The following PHF6 variants were observed in gnomAD, a reference collection of about 807,000 sequenced individuals.
The protein encoded by PHF6 is PHD finger protein 6, also known as PHD-like zinc finger protein.
A neutral mutation model predicts 34.0 loss-of-function variants in PHF6; 7 were observed. That is an observed-to-expected ratio of 0.21 (90% CI 0.12 to 0.39). PHF6 has a LOEUF of 0.39. Among genes scored for constraint, PHF6 ranks in the 10% least tolerant of loss-of-function variants. The probability of loss-of-function intolerance (pLI) is 1.00; values close to 1 mark genes in which losing one functional copy is unlikely to be tolerated. For missense variants in PHF6, 128 were observed against 262.8 expected (o/e 0.49, Z 3.55); for synonymous variants, 89 against 88.4 (o/e 1.01, Z -0.04).
intron 5 of PHF6, among the ~76,000 whole-genome samples, chrX:134,401,974 TTTTG>T (rs199723713): frequency 0.3 from 32,352 of 108,715 alleles, 4,426 homozygotes; most frequent in East Asian, 0.63. Context: ...ATTGGTTGTT[TTTTG>T]TTTGTTTGTT....
chrX:134,382,147 A>C (rs1044820556), intron 3 of PHF6, among the ~76,000 whole-genome samples: 2 of 111,881 alleles, frequency 1.8e-5, no homozygotes, highest in African/African-American at 3.3e-5. Context: ...TCCAAGGTTC[A>C]TGTCAGCCAC....
intron 3 of PHF6, among the ~76,000 whole-genome samples, chrX:134,386,995 C>T (rs1203738256): frequency 1.8e-5 from 2 of 111,436 alleles, no homozygotes; most frequent in African/African-American, 3.3e-5. Context: ...AACTTTTCTT[C>T]CTGAAGATTT....
At chrX:134,384,705 A>G (rs1009479342) in intron 3 of PHF6, among the ~76,000 whole-genome samples, 53 of 108,193 alleles carry the variant, frequency 4.9e-4, no homozygotes, top group Non-Finnish European at 8.2e-4. Context: ...AGGCTGGAGT[A>G]CAGTGGCACG....
chrX:134,389,628 C>T (rs758818674), intron 3 of PHF6, among the ~76,000 whole-genome samples: 17 of 111,485 alleles, frequency 1.5e-4, no homozygotes, highest in Non-Finnish European at 2.8e-4. Context: ...GCTGGACTAG[C>T]CACCTATCTG....
At chrX:134,421,573 A>T (rs2077491701) in intron 9 of PHF6, among the ~76,000 whole-genome samples, 1 of 111,579 alleles carries the variant, frequency 9.0e-6, no homozygotes, top group South Asian at 3.7e-4. Context: ...TTTTATTATA[A>T]TAGTTTTAAA....
intron 8 of PHF6, among the ~76,000 whole-genome samples, chrX:134,415,519 A>G (rs771652334): frequency 8.9e-6 from 1 of 112,118 alleles, no homozygotes; most frequent in East Asian, 2.8e-4. Context: ...AATGTTTGTC[A>G]TAGCTTTAAG....
intron 5 of PHF6, among the ~76,000 whole-genome samples, chrX:134,403,578 A>T (rs986747294): frequency 6.2e-5 from 7 of 112,360 alleles, no homozygotes; most frequent in Non-Finnish European, 9.4e-5. Context: ...AAGATCATTG[A>T]TGAAGTTGCC....
Position 134,393,954 on chromosome X carries a change from T to TA in PHF6, c.418+3dup. Reference sequence around the variant, plus strand: ...AGAAAACTGCACATAACTCCGAAGGTACATCATTTAGCCACGTTTCAGCCA... The same window carrying TA: ...AGAAAACTGCACATAACTCCGAAGGTAACATCATTTAGCCACGTTTCAGCCA... On this transcript the variant is annotated splice_region_variant and intron_variant, in intron 5 of 10. Coordinates refer to ENST00000370803, the MANE Select transcript of PHF6 (RefSeq NM_001015877.2). 2 of 1,209,769 alleles carry TA rather than the reference T, an allele frequency of 1.7e-6. No individual in the cohort carries two copies. The highest frequency in any genetic ancestry group is 2.2e-6 in the Non-Finnish European group (2 of 893,999).
At chrX:134,415,187 C>T in intron 8 of PHF6, 67 bp downstream of exon 8, 1 of 1,205,849 alleles carries the variant, frequency 8.3e-7, no homozygotes, top group Non-Finnish European at 1.1e-6. Context: ...TAGAGTACAT[C>T]CCAAATTTAT....
chrX:134,378,221 C>CT, intron 3 of PHF6, 115 bp downstream of exon 3: 3 of 428,968 alleles, frequency 7.0e-6, no homozygotes, highest in Admixed American at 4.7e-5. Flanking sequence ...AAATTGCAGG[C>CT]TTTTCTTTTT....
intron 5 of PHF6, among the ~76,000 whole-genome samples, chrX:134,409,368 T>C (rs969932390): frequency 8.9e-6 from 1 of 111,847 alleles, no homozygotes; most frequent in Non-Finnish European, 1.9e-5. Context: ...TCCACTGATA[T>C]ATGTCTATTC....
chrX:134,376,865 A>C (rs2077279919), intron 1 of PHF6, among the ~76,000 whole-genome samples: 2 of 112,195 alleles, frequency 1.8e-5, no homozygotes, highest in South Asian at 3.6e-4. Context: ...TGATTTTTTT[A>C]AACTCAGAAA....
At chrX:134,376,844 A>G (rs924978221) in intron 1 of PHF6, among the ~76,000 whole-genome samples, 2 of 112,343 alleles carry the variant, frequency 1.8e-5, no homozygotes, top group African/African-American at 6.4e-5. Flanking sequence ...AATTTATTAA[A>G]GACATATTCC....
At chrX:134,422,611 T>G (rs1485463112) in intron 9 of PHF6, among the ~76,000 whole-genome samples, 1 of 112,450 alleles carries the variant, frequency 8.9e-6, no homozygotes, top group East Asian at 2.8e-4. Context: ...TTCTGGGTCC[T>G]GACTGTATTC....
intron 5 of PHF6, among the ~76,000 whole-genome samples, chrX:134,411,734 G>A (rs1226231910): frequency 9.0e-6 from 1 of 111,285 alleles, no homozygotes; most frequent in Non-Finnish European, 1.9e-5. Flanking sequence ...TTTGGCAAGT[G>A]CAAGTAATTC....
rs948235695 is a variant in PHF6, at chrX:134,428,597, C to T, written c.*2937C>T. 2.0e-5 allele frequency: 3 copies of T among 151,192 alleles called. No individual in the cohort carries two copies. The highest frequency in any genetic ancestry group is 9.2e-5 in the African/African-American group (3 of 32,603). 12.5% of individuals were successfully genotyped at this position (151,192 alleles called of 1,213,427 possible). ...TTAGACCAAGGTATACAGTTTTGTT[C>T]TAACAGACATTTAGGTTAATTGTAA... On this transcript the variant is annotated 3_prime_UTR_variant, in exon 11 of 11. Transcript: ENST00000370803.
Position 134,395,505 on chromosome X carries a change from T to C in PHF6, c.418+1553T>C, listed in dbSNP as rs549674988. On this transcript the variant is annotated intron_variant, in intron 5 of 10. Coordinates refer to ENST00000370803, the MANE Select transcript of PHF6 (RefSeq NM_001015877.2). ...TTTCAAACAGATGGTTTTGATACTT[T>C]TACTAGCAATATAAAATGGCTTAGA... Among the ~76,000 whole-genome samples the C allele has an allele frequency of 2.8e-4, 31 of 112,312 alleles. No individual in the cohort carries two copies. The South Asian group carries it at 9.8e-3, about 36-fold the overall frequency.
At chrX:134,383,936 A>G (rs1046468784) in intron 3 of PHF6, among the ~76,000 whole-genome samples, 2 of 112,589 alleles carry the variant, frequency 1.8e-5, no homozygotes, top group Non-Finnish European at 3.7e-5. Flanking sequence ...AATTTAGGAC[A>G]TAATCAGACT....
At chrX:134,392,702 C>A (rs1366358588) in intron 3 of PHF6, among the ~76,000 whole-genome samples, 2 of 111,824 alleles carry the variant, frequency 1.8e-5, no homozygotes, top group African/African-American at 6.5e-5. Flanking sequence ...CTAATTCTTT[C>A]ACCTTGTCTC....
Sources: gnomAD v4.1 joint callset for allele counts (sites outside exome capture counted in the v4.1 genomes callset) on GRCh38, gnomAD v4.1.1 for gene constraint, MANE v1.5 for transcripts, NCBI Gene and HGNC (gene_info 2026-07-23, HGNC 2026-07-21) for gene names.